Variants in KCNIP4 observed in about 807,000 individuals in gnomAD.
KCNIP4 encodes potassium voltage-gated channel interacting protein 4.
A neutral mutation model predicts 34.0 loss-of-function variants in KCNIP4; 12 were observed. The observed-to-expected ratio is 0.35, with a 90% confidence interval of 0.23 to 0.57. The LOEUF (loss-of-function observed/expected upper bound fraction) is 0.57. Ranked by LOEUF, KCNIP4 falls within the 20% of genes least tolerant of loss-of-function variation. KCNIP4 has a pLI of 0.83. For synonymous variants in KCNIP4, 124 were observed against 102.2 expected, an observed-to-expected ratio of 1.21 and a Z score of -1.29; for missense variants, 238 against 311.7, an observed-to-expected ratio of 0.76 and a Z score of 1.78.
intron 1 of KCNIP4, among the ~76,000 whole-genome samples, chr4:21,387,805 G>A (rs1184888919): frequency 6.6e-6 from 1 of 152,052 alleles, no homozygotes; most frequent in African/African-American, 2.4e-5. Flanking sequence ...TCTATCAAAG[G>A]CATATCATAA....
chr4:20,848,504 T>TAA (rs71655607), intron 3 of KCNIP4, among the ~76,000 whole-genome samples: 2 of 150,028 alleles, frequency 1.3e-5, no homozygotes, highest in East Asian at 2.0e-4. Context: ...AAACATAAAA[T>TAA]AAAAAAAAAT....
At chr4:20,856,502 T>C (rs1329205792) in intron 2 of KCNIP4, among the ~76,000 whole-genome samples, 7 of 152,194 alleles carry the variant, frequency 4.6e-5, no homozygotes, top group Non-Finnish European at 8.8e-5. Context: ...TGCTCATGTT[T>C]GTTTTCTCCA....
In KCNIP4 at chr4:21,801,906, GA is replaced by G. The variant is rs201714846; in HGVS notation, c.61+146664del. On this transcript the variant is annotated intron_variant, in intron 1 of 8. Coordinates refer to ENST00000382152, the MANE Select transcript of KCNIP4 (RefSeq NM_025221.6). ...GAGCTATACAGAGAGAAGTCATCAA[GA>G]AAAAAAAATAGTAGGAAAGGGATAG... Among the ~76,000 whole-genome samples, 1,289 of 148,058 alleles carry G rather than the reference GA, an allele frequency of 8.7e-3. 14 individuals are homozygous for G. The highest frequency in any genetic ancestry group is 0.029 in the South Asian group (136 of 4,670).
chr4:21,860,731 G>T (rs1725025079), intron 1 of KCNIP4, among the ~76,000 whole-genome samples: 1 of 151,926 alleles, frequency 6.6e-6, no homozygotes, highest in African/African-American at 2.4e-5. Context: ...TCTCAACATG[G>T]ATGCTTGTAT....
At chr4:20,906,990 T>C (rs1450877185) in intron 1 of KCNIP4, among the ~76,000 whole-genome samples, 2 of 152,200 alleles carry the variant, frequency 1.3e-5, no homozygotes, top group Non-Finnish European at 2.9e-5. Context: ...GATGTGTTTA[T>C]TGTTGAATCT....
At chr4:21,575,776 C>T (rs112969309) in intron 1 of KCNIP4, among the ~76,000 whole-genome samples, 12 of 152,282 alleles carry the variant, frequency 7.9e-5, no homozygotes, top group African/African-American at 2.6e-4. Flanking sequence ...TAGACAGATG[C>T]TGCTTTGATA....
At chr4:21,204,516 C>A (rs1481690458) in intron 1 of KCNIP4, among the ~76,000 whole-genome samples, 1 of 152,070 alleles carries the variant, frequency 6.6e-6, no homozygotes. Flanking sequence ...CCAGGCTCTG[C>A]CAATGATTGG....
At chr4:21,120,408 T>C (rs1281860958) in intron 1 of KCNIP4, among the ~76,000 whole-genome samples, 1 of 152,216 alleles carries the variant, frequency 6.6e-6, no homozygotes, top group African/African-American at 2.4e-5. Context: ...CTCCCTGTTT[T>C]TCTGTGTCTG....
intron 1 of KCNIP4, among the ~76,000 whole-genome samples, chr4:21,261,864 T>C (rs535897213): frequency 6.6e-6 from 1 of 152,262 alleles, no homozygotes; most frequent in East Asian, 1.9e-4. Flanking sequence ...TTCCTTCCAC[T>C]CCAATTTACA....
chr4:20,745,594 G>T (rs1752248196), intron 5 of KCNIP4, among the ~76,000 whole-genome samples: 1 of 152,140 alleles, frequency 6.6e-6, no homozygotes, highest in African/African-American at 2.4e-5. Context: ...GGTTATATCT[G>T]TTCCCTAAAG....
At chr4:21,699,720 T>C (rs1159239130) in intron 1 of KCNIP4, among the ~76,000 whole-genome samples, 1 of 152,104 alleles carries the variant, frequency 6.6e-6, no homozygotes, top group Non-Finnish European at 1.5e-5. Context: ...TGGGAGACAT[T>C]TTCATGGATA....
In KCNIP4 at chr4:21,487,200, T is replaced by G. The variant is rs114869081; in HGVS notation, c.61+461371A>C. 8.2e-3 allele frequency among the ~76,000 whole-genome samples: 1,243 copies of G among 152,322 alleles called. 13 individuals are homozygous for G. The highest frequency in any genetic ancestry group is 0.029 in the African/African-American group (1,195 of 41,580). ...ATTGCATTTAGTTGTCATGTCTCCTTAAGCTCTTCTTGGCTGTTAGCTTTC... is the reference window on the plus strand; with the variant it reads ...ATTGCATTTAGTTGTCATGTCTCCTGAAGCTCTTCTTGGCTGTTAGCTTTC... On this transcript the variant is annotated intron_variant, in intron 1 of 8. Transcript: ENST00000382152.
At chr4:21,947,703 T>A (rs1730582004) in intron 1 of KCNIP4, among the ~76,000 whole-genome samples, 1 of 152,164 alleles carries the variant, frequency 6.6e-6, no homozygotes, top group Admixed American at 6.5e-5. Flanking sequence ...ATGTGACCCC[T>A]TAGCTTATGT....
chr4:21,858,706 T>G (rs1160180165), intron 1 of KCNIP4, among the ~76,000 whole-genome samples: 2 of 152,258 alleles, frequency 1.3e-5, no homozygotes, highest in Admixed American at 1.3e-4. Flanking sequence ...CTCCTAATTG[T>G]GTGTGCTTTT....
intron 1 of KCNIP4, among the ~76,000 whole-genome samples, chr4:21,168,631 C>T (rs919739005): frequency 6.6e-6 from 1 of 152,136 alleles, no homozygotes; most frequent in African/African-American, 2.4e-5. Context: ...AAGAACTCAA[C>T]AACCAAAGAA....
At chr4:21,856,205 T>C (rs1333988172) in intron 1 of KCNIP4, among the ~76,000 whole-genome samples, 2 of 152,208 alleles carry the variant, frequency 1.3e-5, no homozygotes, top group Non-Finnish European at 2.9e-5. Flanking sequence ...GGCTGGCTGG[T>C]TCCTGGAGAC....
chr4:20,872,795 T>C (rs1359666412), intron 2 of KCNIP4, among the ~76,000 whole-genome samples: 1 of 152,056 alleles, frequency 6.6e-6, no homozygotes, highest in Admixed American at 6.6e-5. Context: ...AAAAATCAAG[T>C]GGGAAGCAAA....
chr4:21,922,645 G>C (rs1728999326), intron 1 of KCNIP4, among the ~76,000 whole-genome samples: 1 of 152,060 alleles, frequency 6.6e-6, no homozygotes, highest in East Asian at 1.9e-4. Context: ...AGAATGGCAT[G>C]AAAATGAGTA....
chr4:21,405,520 G>A (rs904248707), intron 1 of KCNIP4, among the ~76,000 whole-genome samples: 1 of 152,302 alleles, frequency 6.6e-6, no homozygotes, highest in Non-Finnish European at 1.5e-5. Flanking sequence ...TGATAAGGAT[G>A]AAGACTGCAG....
Sources: allele counts gnomAD v4.1 joint callset (sites outside exome capture counted in the v4.1 genomes callset), GRCh38; gene constraint gnomAD v4.1.1; transcripts MANE v1.5; gene names NCBI Gene and HGNC (gene_info 2026-07-23, HGNC 2026-07-21).